Variants in PDE1C observed in about 807,000 individuals in gnomAD.
PDE1C encodes the protein phosphodiesterase 1C.
A neutral mutation model predicts 93.1 loss-of-function variants in PDE1C; 62 were observed. The ratio of observed to expected loss-of-function variants is 0.67; its 90% CI spans 0.54 to 0.82. The LOEUF (loss-of-function observed/expected upper bound fraction) is 0.82. Among genes scored for constraint, PDE1C ranks in the 40% least tolerant of loss-of-function variants. The probability of loss-of-function intolerance (pLI) is 0.00; values close to 1 mark genes in which losing one functional copy is unlikely to be tolerated. For synonymous variants in PDE1C, 325 were observed against 310.1 expected (o/e 1.05, Z -0.50); for missense variants, 742 against 884.6 (o/e 0.84, Z 2.04).
chr7:32,071,140 C>T, upstream of PDE1C: 3 of 985,496 alleles, frequency 3.0e-6, no homozygotes, highest in Non-Finnish European at 3.6e-6. Flanking sequence ...CGGGCACACT[C>T]ACCCCCGCAG....
chr7:31,928,894 A>C (rs548847376), intron 2 of PDE1C, among the ~76,000 whole-genome samples: 1 of 152,340 alleles, frequency 6.6e-6, no homozygotes, highest in African/African-American at 2.4e-5. Flanking sequence ...CAAAATGATC[A>C]GCTAGCATCA....
intron 16 of PDE1C, among the ~76,000 whole-genome samples, chr7:31,803,789 G>A (rs1786413331): frequency 6.6e-6 from 1 of 151,928 alleles, no homozygotes; most frequent in African/African-American, 2.4e-5. Flanking sequence ...TCTTAATTCA[G>A]TCTATCGTTG....
rs1397802473 is a variant in PDE1C, at chr7:31,751,610, A to T, written c.*1774T>A. On this transcript the variant is annotated 3_prime_UTR_variant, in exon 18 of 18. Transcript: ENST00000396191. The stretch of plus-strand genomic sequence containing the variant: ...TTAACCTAATCCAGGTGGAACAGAC[A>T]CTACCAGCCTGCAGAAGGGCCTTCT... 1 of 152,244 alleles carries T rather than the reference A, an allele frequency of 6.6e-6. No individual in the cohort carries two copies. Among genetic ancestry groups the T allele is most frequent in the Non-Finnish European group, 1.5e-5 (1 of 68,050 alleles). 9.4% of individuals were successfully genotyped at this position (152,244 alleles called of 1,614,324 possible). A position where few individuals can be genotyped will look rare whatever the true frequency, so the allele number is the denominator to read the frequency against.
At chr7:32,377,607 G>A (rs951841167) in intron 1 of PDE1C, among the ~76,000 whole-genome samples, 1 of 152,220 alleles carries the variant, frequency 6.6e-6, no homozygotes, top group South Asian at 2.1e-4. Context: ...GTATGACCAA[G>A]CCCTATTCTA....
At chr7:31,880,148 A>G (rs1050328382) in intron 3 of PDE1C, among the ~76,000 whole-genome samples, 4 of 152,226 alleles carry the variant, frequency 2.6e-5, no homozygotes, top group African/African-American at 9.7e-5. Flanking sequence ...GGGGAAAAAA[A>G]ACCACACCTT....
At chr7:32,152,829 T>C (rs1410695058) in intron 3 of PDE1C, among the ~76,000 whole-genome samples, 1 of 152,134 alleles carries the variant, frequency 6.6e-6, no homozygotes, top group Non-Finnish European at 1.5e-5. Context: ...AAATGATCCA[T>C]GAAAAAATTA....
At chr7:31,643,426 C>A in the PDE1C span, 1 of 1,613,986 alleles carries the variant, frequency 6.2e-7, no homozygotes, top group South Asian at 1.1e-5. Flanking sequence ...TACTTTGGGT[C>A]AGATACTACC....
chr7:32,117,586 T>C (rs1799055399), intron 3 of PDE1C, among the ~76,000 whole-genome samples: 1 of 152,232 alleles, frequency 6.6e-6, no homozygotes, highest in Non-Finnish European at 1.5e-5. Context: ...TTACCACAAA[T>C]GTGGACACAC....
intron 2 of PDE1C, among the ~76,000 whole-genome samples, chr7:32,016,478 C>A (rs1017612833): frequency 6.6e-6 from 1 of 152,188 alleles, no homozygotes; most frequent in Non-Finnish European, 1.5e-5. Flanking sequence ...TTTTTCCATA[C>A]TCTTTACATT....
chr7:31,689,655 T>A, the PDE1C span, among the ~76,000 whole-genome samples: 2 of 152,008 alleles, frequency 1.3e-5, no homozygotes, highest in African/African-American at 4.8e-5. Context: ...AGTTGAGAGA[T>A]GGGGTCATTA....
intron 1 of PDE1C, among the ~76,000 whole-genome samples, chr7:32,413,098 T>C (rs895219212): frequency 6.6e-6 from 1 of 152,192 alleles, no homozygotes; most frequent in African/African-American, 2.4e-5. Context: ...TTTTATTGTA[T>C]ATAAATTGTA....
intron 13 of PDE1C, 52 bp from the exon 14 acceptor site, chr7:31,823,300 T>C (rs746323154): frequency 1.3e-6 from 2 of 1,507,406 alleles, no homozygotes; most frequent in Non-Finnish European, 1.8e-6. Context: ...TTGGAAAATG[T>C]CTGCCAATGA....
At chr7:32,342,571 T>C (rs564504474) in intron 1 of PDE1C, among the ~76,000 whole-genome samples, 1 of 152,224 alleles carries the variant, frequency 6.6e-6, no homozygotes, top group Non-Finnish European at 1.5e-5. Flanking sequence ...TTTTAAAAGA[T>C]AATCAGGCAT....
At chr7:31,672,553 CTTTTT>C in the PDE1C span, among the ~76,000 whole-genome samples, 1 of 151,030 alleles carries the variant, frequency 6.6e-6, no homozygotes, top group South Asian at 2.1e-4. Flanking sequence ...TCTCTGATTT[CTTTTT>C]TTTCTTTTTC....
At chr7:32,033,528 A>T (rs1790622300) in intron 2 of PDE1C, among the ~76,000 whole-genome samples, 2 of 152,320 alleles carry the variant, frequency 1.3e-5, no homozygotes, top group South Asian at 2.1e-4. Flanking sequence ...ATCTACTGCA[A>T]AACTCTAAAG....
the PDE1C span, among the ~76,000 whole-genome samples, chr7:31,745,205 C>T: frequency 6.6e-6 from 1 of 152,276 alleles, no homozygotes; most frequent in African/African-American, 2.4e-5. Flanking sequence ...GAGAAGGTTT[C>T]TGAGACTATT....
At chr7:32,301,554 C>T (rs1812881749), upstream of PDE1C, among the ~76,000 whole-genome samples, 1 of 152,214 alleles carries the variant, frequency 6.6e-6, no homozygotes, top group African/African-American at 2.4e-5. Flanking sequence ...TGGTTTTAGA[C>T]ACTGTACACC....
At chr7:32,168,978 T>C (rs542298629) in intron 3 of PDE1C, among the ~76,000 whole-genome samples, 9 of 152,154 alleles carry the variant, frequency 5.9e-5, no homozygotes, top group Non-Finnish European at 1.0e-4. Flanking sequence ...TATGAAAGTC[T>C]ATAGTGGAAA....
intron 3 of PDE1C, among the ~76,000 whole-genome samples, chr7:32,155,963 G>A (rs1040458078): frequency 2.0e-5 from 3 of 152,132 alleles, no homozygotes; most frequent in South Asian, 2.1e-4. Flanking sequence ...GGGCAGAAAC[G>A]GCCATGTGAG....
Sources: gnomAD v4.1 joint callset for allele counts (sites outside exome capture counted in the v4.1 genomes callset) on GRCh38, gnomAD v4.1.1 for gene constraint, MANE v1.5 for transcripts, NCBI Gene and HGNC (gene_info 2026-07-23, HGNC 2026-07-21) for gene names.